MED12L: variants seen among roughly 807,000 people sequenced by gnomAD.
The protein encoded by MED12L is mediator complex subunit 12L, also known as mediator of RNA polymerase II transcription subunit 12-like protein.
In MED12L, 60 loss-of-function variants were observed where a neutral mutation model predicts 281.3. The observed-to-expected ratio is 0.21, with a 90% CI of 0.17 to 0.26. The LOEUF is 0.26. Ranked by LOEUF, MED12L falls within the 10% of genes least tolerant of loss-of-function variation. The probability of loss-of-function intolerance (pLI) is 1.00; values close to 1 mark genes in which losing one functional copy is unlikely to be tolerated. For missense variants in MED12L, 2,146 were observed against 2,680.9 expected (o/e 0.80, Z 4.41); for synonymous variants, 974 against 987.2 (o/e 0.99, Z 0.25).
At chr3:151,312,521 T>C (rs1165345918) in intron 16 of MED12L, among the ~76,000 whole-genome samples, 2 of 152,132 alleles carry the variant, frequency 1.3e-5, no homozygotes, top group East Asian at 3.9e-4. Flanking sequence ...CTCAAGGACT[T>C]GGAAAACAAA....
chr3:151,344,642 C>A (rs1752308264), intron 16 of MED12L, among the ~76,000 whole-genome samples: 1 of 152,106 alleles, frequency 6.6e-6, no homozygotes, highest in Non-Finnish European at 1.5e-5. Context: ...GTAGAGCATG[C>A]AAAAATTAGG....
chr3:151,286,697 A>T (rs1349658233), intron 16 of MED12L, among the ~76,000 whole-genome samples: 1 of 152,128 alleles, frequency 6.6e-6, no homozygotes, highest in African/African-American at 2.4e-5. Flanking sequence ...ATATTTTCCT[A>T]TGTATTGTGA....
chr3:151,390,843 T>C (rs1714125233), intron 38 of MED12L, among the ~76,000 whole-genome samples: 1 of 152,200 alleles, frequency 6.6e-6, no homozygotes, highest in South Asian at 2.1e-4. Flanking sequence ...GAAGAAAATG[T>C]TTCATTTATG....
At chr3:151,107,750 T>C (rs1576740239) in intron 2 of MED12L, among the ~76,000 whole-genome samples, 1 of 144,732 alleles carries the variant, frequency 6.9e-6, no homozygotes, top group Non-Finnish European at 1.5e-5. Flanking sequence ...TGTGCTAAAC[T>C]CTGCACATTT....
chr3:151,350,113 G>A lies in MED12L; in HGVS notation c.2305G>A (p.Gly769Ser), dbSNP rs1007542664. Residue 769 changes from glycine (G) to serine (S), a missense_variant, in exon 17 of 45, where the codon GGC (glycine) becomes AGC (serine). Gly to Ser is a moderately conservative substitution (Grantham distance 56). This residue lies in a region of MED12L where 404 missense variants were observed against 603.5 expected (regional missense o/e 0.67). Transcript: ENST00000687756. Reference sequence around the variant, plus strand: ...GCGCACAATCCTTCTCTATGGAGTCGGCAAAGAGCGTGATGAAGCAAGGCA... The same window carrying A: ...GCGCACAATCCTTCTCTATGGAGTCAGCAAAGAGCGTGATGAAGCAAGGCA... ...NQRTILLYGV[G>S]KERDEARHQL... is the part of the protein sequence containing the mutation. 17 of 1,612,754 alleles carry A rather than the reference G, an allele frequency of 1.1e-5. No homozygotes were observed. The highest frequency in any genetic ancestry group is 1.3e-5 in the African/African-American group (1 of 74,764).
intron 16 of MED12L, among the ~76,000 whole-genome samples, chr3:151,235,692 CAAATAAATAAAT>C (rs139535921): frequency 3.1e-4 from 46 of 149,084 alleles, no homozygotes; most frequent in South Asian, 8.6e-4. Flanking sequence ...GACTCCATCT[CAAATAAATAAAT>C]AAATAAATAA....
intron 16 of MED12L, chr3:151,278,592 T>G (rs1742289686): frequency 6.6e-6 from 1 of 152,230 alleles, no homozygotes; most frequent in Non-Finnish European, 1.5e-5. Flanking sequence ...GCTTTCTTAT[T>G]TCTCCTCCTA....
intron 39 of MED12L, among the ~76,000 whole-genome samples, chr3:151,408,479 GA>G (rs904037583): frequency 4.0e-5 from 6 of 148,908 alleles, no homozygotes; most frequent in African/African-American, 9.9e-5. Flanking sequence ...AGTAAGTCCT[GA>G]AAAAAAAACA....
At chr3:151,155,170 T>C (rs1719111025) in intron 5 of MED12L, among the ~76,000 whole-genome samples, 1 of 152,234 alleles carries the variant, frequency 6.6e-6, no homozygotes, top group Admixed American at 6.5e-5. Flanking sequence ...TGCTGAATAA[T>C]GGGAAAACAG....
intron 16 of MED12L, among the ~76,000 whole-genome samples, chr3:151,305,218 G>T (rs1377023237): frequency 6.6e-6 from 1 of 152,180 alleles, no homozygotes; most frequent in Non-Finnish European, 1.5e-5. Context: ...CCAGGACCTG[G>T]ATCCCGGGCG....
chr3:151,112,837 A>G (rs1447757221), intron 2 of MED12L, among the ~76,000 whole-genome samples: 1 of 152,218 alleles, frequency 6.6e-6, no homozygotes, highest in African/African-American at 2.4e-5. Context: ...TTCATGAGGT[A>G]GTGACTCAGA....
chr3:151,155,551 C>T (rs534860953), intron 5 of MED12L, among the ~76,000 whole-genome samples: 30 of 152,272 alleles, frequency 2.0e-4, no homozygotes, highest in African/African-American at 6.0e-4. Flanking sequence ...GGAAGCCATG[C>T]GGGTGTCCCT....
chr3:151,127,733 G>A (rs984814270), intron 4 of MED12L, 92 bp from the exon 5 acceptor site: 77 of 877,140 alleles, frequency 8.8e-5, no homozygotes, highest in Non-Finnish European at 1.3e-4. Flanking sequence ...GTAACTTACA[G>A]ACTCTTTCTT....
Position 151,163,216 on chromosome 3 carries a change from C to G in MED12L, c.1108-677C>G, listed in dbSNP as rs140815378. On this transcript the variant is annotated intron_variant, in intron 8 of 44. Transcript: ENST00000687756. ...AGCAAGATGGTCATATAAAGTACTTCTGGTTGAGTGAAGAGTGTCTGCAAG... is the reference window on the plus strand; with the variant it reads ...AGCAAGATGGTCATATAAAGTACTTGTGGTTGAGTGAAGAGTGTCTGCAAG... Among the ~76,000 whole-genome samples the G allele has an allele frequency of 2.6e-3, 396 of 152,190 alleles. 4 individuals are homozygous for G. The highest frequency in any genetic ancestry group is 9.1e-3 in the African/African-American group (379 of 41,530).
At chr3:151,349,917 AG>A (rs1341421966) in intron 16 of MED12L, 141 bp from the exon 17 acceptor site, 7 of 535,418 alleles carry the variant, frequency 1.3e-5, no homozygotes, top group Admixed American at 1.2e-4. Flanking sequence ...TTGCCAGTGG[AG>A]GTTGAGGTGA....
At chr3:151,325,467 T>A (rs923966177) in intron 16 of MED12L, among the ~76,000 whole-genome samples, 1 of 152,220 alleles carries the variant, frequency 6.6e-6, no homozygotes, top group African/African-American at 2.4e-5. Context: ...TATTGTAGCA[T>A]CTTGTTTTTT....
At chr3:151,136,095 G>T (rs1171473500) in intron 5 of MED12L, among the ~76,000 whole-genome samples, 4 of 152,154 alleles carry the variant, frequency 2.6e-5, no homozygotes, top group African/African-American at 7.2e-5. Flanking sequence ...TCAGATGAGA[G>T]ACTTTTCTTG....
In MED12L at chr3:151,279,442, C is replaced by T. The variant is rs114776660; in HGVS notation, c.2251-70617C>T. 9.4e-3 allele frequency among the ~76,000 whole-genome samples: 1,430 copies of T among 152,308 alleles called. 29 individuals carry two copies. The highest frequency in any genetic ancestry group is 0.033 in the African/African-American group (1,371 of 41,556). The stretch of plus-strand genomic sequence containing the variant: ...CACATACCCAAACAGTTATTTCCCT[C>T]ATGAAGAGTATTTTCTTACTTTCTG... On this transcript the variant is annotated intron_variant, in intron 16 of 44. Transcript: ENST00000687756.
chr3:151,112,144 C>G (rs1334874276), intron 2 of MED12L, among the ~76,000 whole-genome samples: 2 of 152,100 alleles, frequency 1.3e-5, no homozygotes, highest in Non-Finnish European at 2.9e-5. Flanking sequence ...GAGTGTATCA[C>G]AGTTTCAAAA....
Sources: allele counts gnomAD v4.1 joint callset (sites outside exome capture counted in the v4.1 genomes callset), GRCh38; gene constraint gnomAD v4.1.1; regional missense constraint gnomAD v4.1.1; transcripts MANE v1.5; gene names NCBI Gene and HGNC (gene_info 2026-07-23, HGNC 2026-07-21).